TNK1: variants seen among roughly 807,000 people sequenced by gnomAD.
The protein encoded by TNK1 is tyrosine kinase non receptor 1, also known as non-receptor tyrosine-protein kinase TNK1.
A neutral mutation model predicts 65.2 loss-of-function variants in TNK1; 53 were observed. The ratio of observed to expected loss-of-function variants is 0.81; its 90% CI spans 0.65 to 1.02. The LOEUF is 1.02. Ranked by LOEUF, TNK1 falls within the 50% of genes least tolerant of loss-of-function variation. The pLI, the probability that TNK1 is intolerant of heterozygous loss-of-function variation, is 0.00. For missense variants in TNK1, 837 were observed against 878.4 expected, an observed-to-expected ratio of 0.95 and a Z score of 0.60; for synonymous variants, 353 against 364.6, an observed-to-expected ratio of 0.97 and a Z score of 0.36.
At chr17:7,380,173 G>A (rs149801764), upstream of TNK1, among the ~76,000 whole-genome samples, 37 of 152,282 alleles carry the variant, frequency 2.4e-4, no homozygotes, top group East Asian at 5.0e-3. Context: ...GGAGGTGGCA[G>A]TTGGGATCAA....
Position 7,383,523 on chromosome 17 carries a change from C to T in TNK1, c.333C>T (p.Ile111=), listed in dbSNP as rs780612390. 14 of 1,613,708 alleles carry T rather than the reference C, an allele frequency of 8.7e-6. No individual in the cohort carries two copies. The South Asian group carries it at 1.2e-4, about 14-fold the overall frequency. ...CAGAGGGGGGCCTCAAGTGTCTGAT[C>T]CCAGAGGGTGCTGTTTGCAGAGGGG... is the stretch of plus-strand genomic sequence containing the variant. ...PEPEGGLKCL[I]PEGAVCRGEL... The change falls in exon 4 of 13, where the codon ATC becomes ATT. Residue 111 remains isoleucine (I), a synonymous_variant. Coordinates refer to ENST00000688331, the MANE Select transcript of TNK1 (RefSeq NM_003985.6).
chr17:7,383,867 G>A lies in TNK1; in HGVS notation c.582+3G>A, dbSNP rs182830170. On this transcript the variant is annotated splice_donor_region_variant and intron_variant, in intron 5 of 12. Transcript: ENST00000688331. ...TACTGGGCCAGCCTCTGCAGATGGTGAGCAGATCCAGCCGCTGGTTCCCGG... is the reference window on the plus strand; with the variant it reads ...TACTGGGCCAGCCTCTGCAGATGGTAAGCAGATCCAGCCGCTGGTTCCCGG... The A allele has an allele frequency of 8.7e-6, 14 of 1,605,884 alleles. No homozygotes were observed. In the Admixed American group the frequency reaches 1.9e-4, roughly 21 times the overall value.
In TNK1 at chr17:7,387,386, A is replaced by G. The variant is rs200151800; in HGVS notation, c.1406A>G (p.Lys469Arg). ...GGATCCCTCTCCGACAGAGACAGAA[A>G]GAAGGCAAATCTTTGGGATGCGCCC... ...QHPGSIDGDR[K>R]KANLWDAPPA... The change falls in exon 10 of 13, where the codon AAG becomes AGG. Residue 469 changes from lysine (K) to arginine (R), a missense_variant. Coordinates refer to ENST00000688331, the MANE Select transcript of TNK1 (RefSeq NM_003985.6). The G allele has an allele frequency of 4.1e-4, 657 of 1,605,478 alleles. No homozygotes were observed. The highest frequency in any genetic ancestry group is 5.2e-4 in the Non-Finnish European group (610 of 1,176,300).
In TNK1 at chr17:7,388,291, G is replaced by T; in HGVS notation, c.1478-115G>T. The stretch of plus-strand genomic sequence containing the variant: ...AATACAAAAATTAGCCAGTCGTAAT[G>T]GCAGGCACCTATAGTCCCAGCTACT... On this transcript the variant is annotated intron_variant, in intron 10 of 12. Transcript: ENST00000688331. The surrounding 1 kb of genome is among the most constrained non-coding windows in gnomAD (Gnocchi z 4.5). 9.3e-7 allele frequency: 1 copy of T among 1,080,976 alleles called. No homozygotes were observed. The allele number at this position is 1,080,976 out of a possible 1,614,324, so 67.0% of individuals were successfully genotyped here. A position where few individuals can be genotyped will look rare whatever the true frequency, so the allele number is the denominator to read the frequency against.
Position 7,382,699 on chromosome 17 carries a change from C to A in TNK1, c.-91-137C>A. ...GGTGTGAGCAGGGCAGGTTACTCAG[C>A]GGTGAAGGGACAGAGTACCCGGATG... On this transcript the variant is annotated intron_variant, in intron 1 of 12. Coordinates refer to ENST00000688331, the MANE Select transcript of TNK1 (RefSeq NM_003985.6). This position sits in a 1 kb window ranked among gnomAD's most constrained non-coding sequence, Gnocchi z 4.1. 4 of 535,414 alleles carry A rather than the reference C, an allele frequency of 7.5e-6. No individual in the cohort carries two copies. Among genetic ancestry groups the A allele is most frequent in the Non-Finnish European group, 1.3e-5 (4 of 304,358 alleles). 33.2% of individuals were successfully genotyped at this position (535,414 alleles called of 1,614,324 possible).
chr17:7,388,332 G>A lies in TNK1; in HGVS notation c.1478-74G>A, dbSNP rs1905311650. The A allele has an allele frequency of 2.1e-6, 3 of 1,460,456 alleles. No homozygotes were observed. The highest frequency in any genetic ancestry group is 2.8e-5 in the African/African-American group (2 of 70,740). 90.5% of individuals were successfully genotyped at this position (1,460,456 alleles called of 1,614,324 possible). The stretch of plus-strand genomic sequence containing the variant: ...CCCAGCTACTCGGGAGGCTGAGGTG[G>A]GAGGATCGCTTGAGCCCGGGAGGCG... On this transcript the variant is annotated intron_variant, in intron 10 of 12. Transcript: ENST00000688331. The surrounding 1 kb of genome is among the most constrained non-coding windows in gnomAD (Gnocchi z 4.5).
At position 7,388,503 on chromosome 17, in the gene TNK1, C is replaced by G. The variant is rs773945855; in HGVS notation, c.1575C>G (p.Pro525=). 7 of 1,613,846 alleles carry G rather than the reference C, an allele frequency of 4.3e-6. No homozygotes were observed. Among genetic ancestry groups the G allele is most frequent in the East Asian group, 2.2e-5 (1 of 44,886 alleles). ...PPEIRQARAV[P]QGPPGLPPRP... ...AAATTCGACAAGCCAGAGCTGTGCC[C>G]CAGGGACCTCCAGGCCTGCCTCCAC... The change falls in exon 11 of 13, where the codon CCC becomes CCG. Residue 525 remains proline, a synonymous_variant. Transcript: ENST00000688331. This position sits in a 1 kb window ranked among gnomAD's most constrained non-coding sequence, Gnocchi z 4.5.
At chr17:7,384,363 G>A in intron 6 of TNK1, 110 bp downstream of exon 6, 1 of 1,436,562 alleles carries the variant, frequency 7.0e-7, no homozygotes, top group Non-Finnish European at 9.1e-7. Flanking sequence ...GGACCAGAAG[G>A]GTTATCCTCC....
Position 7,383,310 on chromosome 17 carries a change from G to A in TNK1, c.224G>A (p.Trp75Ter). 6.2e-7 allele frequency: 1 copy of A among 1,614,042 alleles called. No homozygotes were observed. Among genetic ancestry groups the A allele is most frequent in the Non-Finnish European group, 8.5e-7 (1 of 1,179,896 alleles). Reference sequence around the variant, plus strand: ...CGTTCTGGGCCTAAGTCTAAGAACTGGGTCTACAAGGTGTGTGTTGTAGGT... The same window carrying A: ...CGTTCTGGGCCTAAGTCTAAGAACTAGGTCTACAAGGTGTGTGTTGTAGGT... ...RLRSGPKSKN[W>*]VYKILGGFAP... Residue 75 changes from tryptophan (W) to a stop codon, truncating the protein, a stop_gained, in exon 3 of 13, where the codon TGG (tryptophan) becomes TAG (stop). Coordinates refer to ENST00000688331, the MANE Select transcript of TNK1 (RefSeq NM_003985.6). LOFTEE classifies it high-confidence loss of function.
At chr17:7,380,463 TGGAA>T (rs1335206887), upstream of TNK1, 1 of 152,408 alleles carries the variant, frequency 6.6e-6, no homozygotes, top group African/African-American at 2.4e-5. Context: ...GGCGTTACGC[TGGAA>T]GGAAGCCCAG....
In TNK1 at chr17:7,384,765, C is replaced by A. The variant is rs750296333; in HGVS notation, c.1137+11C>A. On this transcript the variant is annotated intron_variant, in intron 7 of 12. Transcript: ENST00000688331. ...GGGCTGCTGCAAGAGGTGGGAACCC[C>A]CGACCTCACCAGATACACAGTCCCT... 9.6e-6 allele frequency: 15 copies of A among 1,564,492 alleles called. No individual in the cohort carries two copies. The African/African-American group carries it at 1.6e-4, about 17-fold the overall frequency.
rs139190181 is a variant in TNK1, at chr17:7,387,123, C to T, written c.1366C>T (p.Arg456Trp). 180 of 1,602,186 alleles carry T rather than the reference C, an allele frequency of 1.1e-4. No individual in the cohort carries two copies. The East Asian group carries it at 3.0e-3, about 26-fold the overall frequency. ...TCCAGTCCACAGAGGCACCCCTGCC[C>T]GGGGAGATCAACACCCAGGAAGCAT... is the stretch of plus-strand genomic sequence containing the variant. ...TRPVHRGTPA[R>W]GDQHPGSIDG... Residue 456 changes from arginine to tryptophan, a missense_variant, in exon 9 of 13, where the codon CGG (arginine) becomes TGG (tryptophan). Coordinates refer to ENST00000688331, the MANE Select transcript of TNK1 (RefSeq NM_003985.6).
At position 7,383,829 on chromosome 17, in the gene TNK1, C is replaced by T; in HGVS notation, c.547C>T (p.Leu183=). ...CTTGGAGCACCCACACGTGCTGCGT[C>T]TGCACGGCCTTGTACTGGGCCAGCC... ...MNLEHPHVLR[L]HGLVLGQPLQ... is the part of the protein sequence containing the mutation. The change falls in exon 5 of 13, where the codon CTG becomes TTG. Residue 183 remains leucine (L), a synonymous_variant. Coordinates refer to ENST00000688331, the MANE Select transcript of TNK1 (RefSeq NM_003985.6). The T allele has an allele frequency of 6.2e-7, 1 of 1,612,112 alleles. No homozygotes were observed. The highest frequency in any genetic ancestry group is 8.5e-7 in the Non-Finnish European group (1 of 1,179,234).
intron 1 of TNK1, among the ~76,000 whole-genome samples, chr17:7,381,692 C>T (rs1450637374): frequency 1.3e-5 from 2 of 152,208 alleles, no homozygotes; most frequent in African/African-American, 4.8e-5. Context: ...TTGCTGCCTC[C>T]GGTGGAGGAG....
rs778933214 is a variant in TNK1 at position 7,383,503 on chromosome 17, G to C, written c.313G>C (p.Gly105Arg). Residue 105 changes from glycine to arginine, a missense_variant, in exon 4 of 13, where the codon GGG (glycine) becomes CGG (arginine). Coordinates refer to ENST00000688331, the MANE Select transcript of TNK1 (RefSeq NM_003985.6). ...CCCACGGCACCTCCCTGAGCCAGAG[G>C]GGGGCCTCAAGTGTCTGATCCCAGA... ...DSPRHLPEPE[G>R]GLKCLIPEGA... The C allele has an allele frequency of 6.2e-7, 1 of 1,613,764 alleles. No homozygotes were observed. Among genetic ancestry groups the C allele is most frequent in the Non-Finnish European group, 8.5e-7 (1 of 1,179,890 alleles).
At position 7,389,019 on chromosome 17, in the gene TNK1, C is replaced by A. The variant is rs375240414; in HGVS notation, c.1921C>A (p.Arg641Ser). The A allele has an allele frequency of 4.1e-5, 64 of 1,554,746 alleles. No homozygotes were observed. The highest frequency in any genetic ancestry group is 2.8e-4 in the South Asian group (24 of 84,296). ...TAGCCGGTCCAGAGCTGACTGCTGGCGCATCCTGGAGCATTACCAGTGGGA... is the reference window on the plus strand; with the variant it reads ...TAGCCGGTCCAGAGCTGACTGCTGGAGCATCCTGGAGCATTACCAGTGGGA... ...LSSRSRADCW[R>S]ILEHYQWDLS... The change falls in exon 13 of 13, where the codon CGC (arginine) becomes AGC (serine). Residue 641 changes from arginine to serine, a missense_variant. Arg to Ser is a moderately radical substitution (Grantham distance 110). Coordinates refer to ENST00000688331, the MANE Select transcript of TNK1 (RefSeq NM_003985.6).
rs778177318 is a variant in TNK1 at position 7,384,584 on chromosome 17, C to G, written c.967C>G (p.Pro323Ala). Residue 323 changes from proline to alanine, a missense_variant, in exon 7 of 13, where the codon CCC becomes GCC. Physicochemically the swap from Pro to Ala is conservative, Grantham distance 27. Coordinates refer to ENST00000688331, the MANE Select transcript of TNK1 (RefSeq NM_003985.6). The part of the protein sequence containing the change: ...LWEMFSGGEE[P>A]WAGVPPYLIL... ...GGAGATGTTCTCCGGGGGCGAGGAA[C>G]CCTGGGCCGGGGTCCCACCGTACCT... is the stretch of plus-strand genomic sequence containing the variant. 25 of 1,612,260 alleles carry G rather than the reference C, an allele frequency of 1.6e-5. No individual in the cohort carries two copies. The highest frequency in any genetic ancestry group is 2.0e-5 in the Non-Finnish European group (23 of 1,179,290).
At chr17:7,385,364 CAAA>C (rs527619972) in intron 7 of TNK1, among the ~76,000 whole-genome samples, 2 of 130,678 alleles carry the variant, frequency 1.5e-5, no homozygotes, top group Non-Finnish European at 1.6e-5. Flanking sequence ...AACTCCGTCT[CAAA>C]AAAAAAAAAA....
chr17:7,384,330 G>T lies in TNK1; in HGVS notation c.866+77G>T, dbSNP rs543164263. ...GCAGCAGCCGAGGGAGATCGGAGGG[G>T]GCCGGGCTTCTGAGGGAGGCTTGGA... is the stretch of plus-strand genomic sequence containing the variant. On this transcript the variant is annotated intron_variant, in intron 6 of 12. Transcript: ENST00000688331. The T allele has an allele frequency of 3.9e-4, 560 of 1,433,752 alleles. 1 individual carries two copies. The highest frequency in any genetic ancestry group is 2.7e-3 in the African/African-American group (188 of 69,540). 88.8% of individuals were successfully genotyped at this position (1,433,752 alleles called of 1,614,324 possible).
Sources: allele counts gnomAD v4.1 joint callset (sites outside exome capture counted in the v4.1 genomes callset), GRCh38; gene constraint gnomAD v4.1.1; non-coding constraint Gnocchi (gnomAD v3.1); transcripts MANE v1.5; gene names NCBI Gene and HGNC (gene_info 2026-07-23, HGNC 2026-07-21).